ZEB1: variants seen among roughly 807,000 people sequenced by gnomAD.
ZEB1 encodes zinc finger E-box-binding homeobox 1.
In ZEB1, 21 loss-of-function variants were observed where a neutral mutation model predicts 84.9. The ratio of observed to expected loss-of-function variants is 0.25; its 90% CI spans 0.18 to 0.36. The LOEUF (loss-of-function observed/expected upper bound fraction) is 0.36, where lower values mean the gene tolerates loss of function less well. Among genes scored for constraint, ZEB1 ranks in the 10% least tolerant of loss-of-function variants. The pLI is 1.00. For synonymous variants in ZEB1, 420 were observed against 471.1 expected (o/e 0.89, Z 1.41); for missense variants, 1,104 against 1,330.2 (o/e 0.83, Z 2.65).
At position 31,440,426 on chromosome 10, in the gene ZEB1, T is replaced by C. The variant is rs183463305; in HGVS notation, c.59-20611T>C. On this transcript the variant is annotated intron_variant, in intron 1 of 8. Transcript: ENST00000424869. ...GTATCTCAAAATAATAAGAGCTATT[T>C]ATGACAAATCCACAACCAATATCAT... Among the ~76,000 whole-genome samples the C allele has an allele frequency of 3.3e-5, 5 of 152,294 alleles. No homozygotes were observed. The East Asian group carries it at 9.7e-4, about 29-fold the overall frequency.
intron 1 of ZEB1, among the ~76,000 whole-genome samples, chr10:31,340,874 T>G (rs1300625168): frequency 6.6e-6 from 1 of 150,692 alleles, no homozygotes; most frequent in Non-Finnish European, 1.5e-5. Flanking sequence ...CCCAGGGGAA[T>G]AGGAAGAGAG....
intron 2 of ZEB1, among the ~76,000 whole-genome samples, chr10:31,494,564 A>T (rs1007414472): frequency 6.6e-6 from 1 of 152,006 alleles, no homozygotes; most frequent in Admixed American, 6.6e-5. Flanking sequence ...AACCTAAGAG[A>T]AATCTCAATC....
intron 1 of ZEB1, among the ~76,000 whole-genome samples, chr10:31,414,777 G>T (rs982683128): frequency 6.6e-6 from 1 of 152,138 alleles, no homozygotes; most frequent in African/African-American, 2.4e-5. Context: ...TGTCATAACT[G>T]TCTCCTTTCT....
intron 2 of ZEB1, among the ~76,000 whole-genome samples, chr10:31,488,404 A>G (rs1323520421): frequency 6.6e-6 from 1 of 151,022 alleles, no homozygotes. Flanking sequence ...CTACAGTGGT[A>G]TTCTCTTTTC....
At chr10:31,443,910 T>G (rs2059398402) in intron 1 of ZEB1, among the ~76,000 whole-genome samples, 1 of 150,968 alleles carries the variant, frequency 6.6e-6, no homozygotes, top group African/African-American at 2.5e-5. Context: ...TGATTTATAG[T>G]CCTTTGGGTA....
intron 1 of ZEB1, among the ~76,000 whole-genome samples, chr10:31,398,082 A>G (rs2051162667): frequency 6.6e-6 from 1 of 152,200 alleles, no homozygotes; most frequent in Non-Finnish European, 1.5e-5. Context: ...AACTATGTGA[A>G]TATGAAAGTA....
chr10:31,516,642 T>C (rs1174124037), intron 6 of ZEB1, among the ~76,000 whole-genome samples: 2 of 149,378 alleles, frequency 1.3e-5, no homozygotes, highest in Non-Finnish European at 3.0e-5. Flanking sequence ...ACGTTATTCC[T>C]TGGAACAACA....
chr10:31,349,813 C>T (rs1312557644), intron 1 of ZEB1, among the ~76,000 whole-genome samples: 1 of 151,946 alleles, frequency 6.6e-6, no homozygotes. Flanking sequence ...GTTTTGGATA[C>T]TAATGTCTTA....
intron 1 of ZEB1, among the ~76,000 whole-genome samples, chr10:31,406,144 A>G (rs903286737): frequency 2.0e-5 from 3 of 152,224 alleles, no homozygotes; most frequent in Non-Finnish European, 4.4e-5. Context: ...ACAGTGCTGC[A>G]GTAAACATAC....
intron 3 of ZEB1, among the ~76,000 whole-genome samples, chr10:31,498,821 A>G (rs559020154): frequency 3.2e-4 from 49 of 152,086 alleles, no homozygotes; most frequent in Middle Eastern, 3.7e-3. Flanking sequence ...TTGAGCTCAT[A>G]TTTCCATTCT....
intron 3 of ZEB1, among the ~76,000 whole-genome samples, chr10:31,496,577 T>G (rs895818623): frequency 6.6e-6 from 1 of 152,080 alleles, no homozygotes; most frequent in Admixed American, 6.6e-5. Flanking sequence ...ACTGTTAGAA[T>G]GTAAACTTCA....
intron 1 of ZEB1, among the ~76,000 whole-genome samples, chr10:31,441,382 C>T (rs1356835507): frequency 6.6e-6 from 1 of 152,156 alleles, no homozygotes; most frequent in African/African-American, 2.4e-5. Flanking sequence ...GGATCCTTTC[C>T]TTACACCTGA....
intron 1 of ZEB1, among the ~76,000 whole-genome samples, chr10:31,356,572 T>C (rs963541335): frequency 6.6e-6 from 1 of 152,178 alleles, no homozygotes; most frequent in Non-Finnish European, 1.5e-5. Context: ...AGAGATAGAC[T>C]GCTGGTTAAA....
chr10:31,438,679 A>T (rs2058553235), intron 1 of ZEB1, among the ~76,000 whole-genome samples: 1 of 152,178 alleles, frequency 6.6e-6, no homozygotes, highest in Non-Finnish European at 1.5e-5. Flanking sequence ...CTATAAAAAA[A>T]AAATTTTCTT....
chr10:31,495,693 G>A (rs2067126842), intron 2 of ZEB1, 83 bp from the exon 3 acceptor site: 2 of 1,412,568 alleles, frequency 1.4e-6, no homozygotes, highest in Admixed American at 3.4e-5. Flanking sequence ...CAGAGTAATT[G>A]GGATATCCAA....
intron 1 of ZEB1, among the ~76,000 whole-genome samples, chr10:31,379,487 TACAC>T (rs1482972402): frequency 2.0e-5 from 3 of 151,968 alleles, no homozygotes; most frequent in East Asian, 3.9e-4. Context: ...ATATTCTTTC[TACAC>T]ACACACAGTA....
intron 1 of ZEB1, among the ~76,000 whole-genome samples, chr10:31,379,816 A>G (rs2047319268): frequency 6.6e-6 from 1 of 152,016 alleles, no homozygotes; most frequent in African/African-American, 2.4e-5. Context: ...AAATTTTGCC[A>G]CATTTGCTTC....
chr10:31,488,339 A>G (rs2066012823), intron 2 of ZEB1, among the ~76,000 whole-genome samples: 1 of 151,090 alleles, frequency 6.6e-6, no homozygotes, highest in South Asian at 2.1e-4. Context: ...CTTTAGGTTT[A>G]TGTTTACACA....
At chr10:31,468,139 C>T (rs924299077) in intron 2 of ZEB1, among the ~76,000 whole-genome samples, 7 of 152,160 alleles carry the variant, frequency 4.6e-5, no homozygotes, top group South Asian at 2.1e-4. Context: ...TACAGCCCTA[C>T]CAAGGTCACG....
Sources: allele counts gnomAD v4.1 joint callset (sites outside exome capture counted in the v4.1 genomes callset), GRCh38; gene constraint gnomAD v4.1.1; transcripts MANE v1.5; gene names NCBI Gene and HGNC (gene_info 2026-07-23, HGNC 2026-07-21).